Variants in PKHD1 observed in about 807,000 individuals in gnomAD.
PKHD1 encodes the protein fibrocystin.
A neutral mutation model predicts 412.0 loss-of-function variants in PKHD1; 291 were observed. The observed-to-expected ratio is 0.71, with a 90% CI of 0.64 to 0.78. The LOEUF is 0.78. Ranked by LOEUF, PKHD1 falls within the 30% of genes least tolerant of loss-of-function variation. The pLI, the probability that PKHD1 is intolerant of heterozygous loss-of-function variation, is 0.00. For synonymous variants in PKHD1, 1,777 were observed against 1,821.5 expected, an observed-to-expected ratio of 0.98 and a Z score of 0.62; for missense variants, 4,825 against 4,950.7, an observed-to-expected ratio of 0.97 and a Z score of 0.76.
chr6:51,660,792 C>T (rs1454119748), intron 60 of PKHD1, among the ~76,000 whole-genome samples: 1 of 152,168 alleles, frequency 6.6e-6, no homozygotes, highest in Admixed American at 6.5e-5. Context: ...TCCATGCGTT[C>T]AGCCACCTGA....
chr6:51,907,335 G>A (rs1782263605), intron 40 of PKHD1, among the ~76,000 whole-genome samples: 1 of 152,018 alleles, frequency 6.6e-6, no homozygotes, highest in Admixed American at 6.6e-5. Flanking sequence ...TATCAACACT[G>A]GATCTCCACA....
intron 63 of PKHD1, among the ~76,000 whole-genome samples, chr6:51,642,795 G>A (rs1212189825): frequency 2.0e-5 from 3 of 152,102 alleles, no homozygotes; most frequent in Admixed American, 6.6e-5. Context: ...AGACAAGATC[G>A]TGCCACTGCA....
rs762103009 is a variant in PKHD1, at chr6:51,659,829, C to T, written c.10297G>A (p.Val3433Met). ...AIQKLYPVVS[V>M]TSGFVDVFSS... ...AAGACATCAACAAAACCACTAGTCACAGATACAACTGGATATAACTTCTGA... is the reference window on the plus strand; with the variant it reads ...AAGACATCAACAAAACCACTAGTCATAGATACAACTGGATATAACTTCTGA... Residue 3433 changes from valine (V) to methionine (M), a missense_variant, in exon 61 of 67, where the codon GTG becomes ATG. Coordinates refer to ENST00000371117, the MANE Select transcript of PKHD1 (RefSeq NM_138694.4). 6.8e-6 allele frequency: 11 copies of T among 1,613,860 alleles called. 1 individual carries two copies. The South Asian group carries it at 1.2e-4, about 18-fold the overall frequency.
Position 51,618,236 on chromosome 6 carries a change from C to T in PKHD1, c.*845G>A, listed in dbSNP as rs1048214610. On this transcript the variant is annotated 3_prime_UTR_variant, in exon 67 of 67. Transcript: ENST00000371117. ...ATGCATCATCTTCTCCAAAAAGCAG[C>T]TTTTTGATAAAGGACTTGGCCACTT... The T allele has an allele frequency of 2.6e-5, 4 of 152,180 alleles. No homozygotes were observed. Among genetic ancestry groups the T allele is most frequent in the African/African-American group, 4.8e-5 (2 of 41,420 alleles). 9.4% of individuals were successfully genotyped at this position (152,180 alleles called of 1,614,324 possible). A position where few individuals can be genotyped will look rare whatever the true frequency, so the allele number is the denominator to read the frequency against.
intron 27 of PKHD1, among the ~76,000 whole-genome samples, chr6:52,037,785 A>G (rs998099990): frequency 9.2e-5 from 14 of 152,232 alleles, no homozygotes; most frequent in Admixed American, 7.8e-4. Flanking sequence ...TATTTATCAA[A>G]ATTTTTAATG....
chr6:51,683,910 C>A (rs1405259879), intron 60 of PKHD1, among the ~76,000 whole-genome samples: 1 of 152,008 alleles, frequency 6.6e-6, no homozygotes, highest in Admixed American at 6.6e-5. Flanking sequence ...GAAACAAATT[C>A]TCCTTCTCTT....
chr6:51,802,781 T>A (rs1763134285), intron 52 of PKHD1, among the ~76,000 whole-genome samples: 1 of 151,246 alleles, frequency 6.6e-6, no homozygotes, highest in Admixed American at 6.6e-5. Context: ...TTTTTGAAAA[T>A]AAATCTTCTC....
At chr6:51,848,602 C>A (rs1172835093) in intron 49 of PKHD1, among the ~76,000 whole-genome samples, 1 of 152,190 alleles carries the variant, frequency 6.6e-6, no homozygotes, top group Non-Finnish European at 1.5e-5. Flanking sequence ...GCACACCCTA[C>A]TGTTTTCACT....
At chr6:51,711,211 T>A (rs994216487) in intron 60 of PKHD1, among the ~76,000 whole-genome samples, 1 of 152,214 alleles carries the variant, frequency 6.6e-6, no homozygotes, top group African/African-American at 2.4e-5. Flanking sequence ...ATAAATTTCA[T>A]AAGGATCCTG....
In PKHD1 at chr6:51,632,546, T is replaced by TAAA; in HGVS notation, c.11665+16_11665+18dup. ...TTTTTCAGAAATTTTCATTCCAAAA[T>TAAA]AAAAAAAAAACTACATACTTCTGCT... On this transcript the variant is annotated intron_variant, in intron 65 of 66. Coordinates refer to ENST00000371117, the MANE Select transcript of PKHD1 (RefSeq NM_138694.4). 6 of 1,425,700 alleles carry TAAA rather than the reference T, an allele frequency of 4.2e-6. No individual in the cohort carries two copies. The highest frequency in any genetic ancestry group is 1.4e-5 in the African/African-American group (1 of 69,250). The allele number at this position is 1,425,700 out of a possible 1,614,324, so 88.3% of individuals were successfully genotyped here.
chr6:51,755,029 A>G, intron 55 of PKHD1, 91 bp from the exon 56 acceptor site: 1 of 1,057,776 alleles, frequency 9.5e-7, no homozygotes, highest in Non-Finnish European at 1.5e-6. Context: ...ATCCACTGTG[A>G]CCAACATATC....
chr6:51,870,828 C>T (rs1171275650), intron 46 of PKHD1, among the ~76,000 whole-genome samples, 189 bp from the exon 47 acceptor site: 1 of 150,120 alleles, frequency 6.7e-6, no homozygotes, highest in African/African-American at 2.5e-5. Context: ...GTTTCAACAG[C>T]AAGAAAATAG....
chr6:51,711,554 T>C (rs564357132), intron 60 of PKHD1, among the ~76,000 whole-genome samples: 12 of 152,224 alleles, frequency 7.9e-5, no homozygotes, highest in Non-Finnish European at 1.8e-4. Flanking sequence ...TATCTGCATC[T>C]GTAGGGTCTC....
intron 63 of PKHD1, among the ~76,000 whole-genome samples, chr6:51,642,668 C>T (rs1249486789): frequency 2.0e-5 from 3 of 152,042 alleles, no homozygotes; most frequent in Non-Finnish European, 4.4e-5. Flanking sequence ...GGCAAAACCC[C>T]GTCTTTACTA....
intron 65 of PKHD1, among the ~76,000 whole-genome samples, chr6:51,629,873 T>G (rs114542745): frequency 4.1e-4 from 62 of 152,212 alleles, no homozygotes; most frequent in African/African-American, 1.4e-3. Context: ...CAGAAACAAC[T>G]TACAGTGTTT....
Position 51,622,681 on chromosome 6 carries a change from G to A in PKHD1, c.11786-3161C>T, listed in dbSNP as rs9367443. On this transcript the variant is annotated intron_variant, in intron 66 of 66. Transcript: ENST00000371117. ...ATTAGAGAAAAATAAAAAGGAAAATGTCTGTAGTTGCACATTATATCATAA... is the reference window on the plus strand; with the variant it reads ...ATTAGAGAAAAATAAAAAGGAAAATATCTGTAGTTGCACATTATATCATAA... The A allele has an allele frequency of 2.0e-5, 3 of 152,272 alleles. No individual in the cohort carries two copies. The East Asian group carries it at 5.8e-4, about 29-fold the overall frequency. The allele number at this position is 152,272 out of a possible 1,614,324, so 9.4% of individuals were successfully genotyped here. A position where few individuals can be genotyped will look rare whatever the true frequency, so the allele number is the denominator to read the frequency against.
intron 37 of PKHD1, among the ~76,000 whole-genome samples, chr6:51,929,901 G>T (rs908361328): frequency 6.6e-6 from 1 of 152,162 alleles, no homozygotes; most frequent in Non-Finnish European, 1.5e-5. Context: ...TCCAGCCAAG[G>T]CCATGAGACT....
At chr6:51,714,419 C>T (rs1781017368) in intron 60 of PKHD1, among the ~76,000 whole-genome samples, 1 of 151,932 alleles carries the variant, frequency 6.6e-6, no homozygotes, top group South Asian at 2.1e-4. Context: ...CCTCTTCTAC[C>T]TTCCAATGAA....
At position 52,025,359 on chromosome 6, in the gene PKHD1, G is replaced by A. The variant is rs1394866522; in HGVS notation, c.4451C>T (p.Ala1484Val). Residue 1484 changes from alanine (A) to valine (V), a missense_variant, in exon 32 of 67, where the codon GCA becomes GTA. By Grantham distance (64) the Ala-to-Val change is moderately conservative. Transcript: ENST00000371117. ...GNCTLFIREE[A>V]SPVMDALSTN... ...GGACAAGGCATCCATGACAGGACTT[G>A]CCTCTTCCCTTATGAAAAGAGTGCA... 1 of 1,613,678 alleles carries A rather than the reference G, an allele frequency of 6.2e-7. No individual in the cohort carries two copies. The highest frequency in any genetic ancestry group is 8.5e-7 in the Non-Finnish European group (1 of 1,179,612).
Sources: gnomAD v4.1 joint callset for allele counts (sites outside exome capture counted in the v4.1 genomes callset) on GRCh38, gnomAD v4.1.1 for gene constraint, MANE v1.5 for transcripts, NCBI Gene and HGNC (gene_info 2026-07-23, HGNC 2026-07-21) for gene names.